Variants in GRM7 observed in about 807,000 individuals in gnomAD.
GRM7 encodes the protein glutamate metabotropic receptor 7, also known as metabotropic glutamate receptor 7.
A neutral mutation model predicts 84.5 loss-of-function variants in GRM7; 35 were observed. That is an observed-to-expected ratio of 0.41 (90% CI 0.32 to 0.55). GRM7 has a LOEUF of 0.55. Among genes scored for constraint, GRM7 ranks in the 20% least tolerant of loss-of-function variants. GRM7 has a pLI of 0.19. For synonymous variants in GRM7, 487 were observed against 455.1 expected, an observed-to-expected ratio of 1.07 and a Z score of -0.89; for missense variants, 1,003 against 1,194.6, an observed-to-expected ratio of 0.84 and a Z score of 2.36.
intron 7 of GRM7, among the ~76,000 whole-genome samples, chr3:7,478,135 T>C (rs558832937): frequency 6.6e-6 from 1 of 152,234 alleles, no homozygotes; most frequent in Non-Finnish European, 1.5e-5. Context: ...GACTTCCTTA[T>C]AGGGATTTTT....
chr3:7,066,279 A>C (rs1487978615), intron 1 of GRM7, among the ~76,000 whole-genome samples: 1 of 151,930 alleles, frequency 6.6e-6, no homozygotes, highest in Non-Finnish European at 1.5e-5. Flanking sequence ...ACCATTAGCA[A>C]GATTAACCAA....
intron 1 of GRM7, among the ~76,000 whole-genome samples, chr3:7,020,353 A>G (rs1050870355): frequency 5.3e-5 from 8 of 152,318 alleles, no homozygotes; most frequent in East Asian, 3.9e-4. Context: ...GAGTTAGGGG[A>G]GAGAGAGGGA....
intron 7 of GRM7, among the ~76,000 whole-genome samples, chr3:7,528,082 T>C (rs1207188977): frequency 1.3e-5 from 2 of 152,114 alleles, no homozygotes; most frequent in African/African-American, 4.8e-5. Flanking sequence ...TGTGGTATAG[T>C]TTCCGTGGGA....
At chr3:6,944,893 T>A (rs1431517432) in intron 1 of GRM7, among the ~76,000 whole-genome samples, 1 of 152,122 alleles carries the variant, frequency 6.6e-6, no homozygotes, top group African/African-American at 2.4e-5. Context: ...TTTTAACATG[T>A]CTTTGATCTA....
intron 7 of GRM7, chr3:7,560,146 G>A (rs1445668711): frequency 6.6e-6 from 1 of 152,036 alleles, no homozygotes; most frequent in African/African-American, 2.4e-5. Flanking sequence ...TGAGACACAG[G>A]CAAAGTAGGG....
At chr3:7,354,054 G>C (rs1388945859) in intron 4 of GRM7, among the ~76,000 whole-genome samples, 3 of 151,470 alleles carry the variant, frequency 2.0e-5, no homozygotes, top group South Asian at 2.1e-4. Flanking sequence ...TGTTGAGTCA[G>C]CTTATAGACC....
intron 4 of GRM7, among the ~76,000 whole-genome samples, chr3:7,362,908 G>A (rs888013429): frequency 2.0e-5 from 3 of 152,072 alleles, no homozygotes; most frequent in Non-Finnish European, 4.4e-5. Context: ...TGGAAGGATT[G>A]CTTGAAGCCA....
At chr3:6,975,402 A>T (rs1693950382) in intron 1 of GRM7, among the ~76,000 whole-genome samples, 1 of 152,196 alleles carries the variant, frequency 6.6e-6, no homozygotes, top group Admixed American at 6.5e-5. Flanking sequence ...TTGTAACTTG[A>T]GTTTCAAGTT....
At chr3:7,365,401 CTT>C (rs894887728) in intron 4 of GRM7, among the ~76,000 whole-genome samples, 2 of 151,676 alleles carry the variant, frequency 1.3e-5, no homozygotes, top group Non-Finnish European at 1.5e-5. Flanking sequence ...AGTTACATAA[CTT>C]TGATTTTCTC....
chr3:7,435,618 T>G (rs1697012897), intron 5 of GRM7, among the ~76,000 whole-genome samples: 1 of 151,256 alleles, frequency 6.6e-6, no homozygotes, highest in African/African-American at 2.4e-5. Flanking sequence ...CTCCAAGAAA[T>G]TCTCCTGCCT....
At chr3:7,400,904 T>C (rs1360807998) in intron 4 of GRM7, among the ~76,000 whole-genome samples, 3 of 152,168 alleles carry the variant, frequency 2.0e-5, no homozygotes, top group Non-Finnish European at 4.4e-5. Flanking sequence ...GGTTAACTCC[T>C]AGGATGTTTG....
chr3:7,673,471 A>T (rs1700007556), intron 8 of GRM7, among the ~76,000 whole-genome samples: 1 of 152,068 alleles, frequency 6.6e-6, no homozygotes. Flanking sequence ...GACTTACAGG[A>T]AACCGGGTTA....
intron 3 of GRM7, 76 bp downstream of exon 3, chr3:7,298,901 G>T: frequency 7.7e-7 from 1 of 1,297,008 alleles, no homozygotes. Context: ...TGCTGGCTGA[G>T]ACAGGAAAAG....
At chr3:7,597,281 C>T (rs542003684) in intron 8 of GRM7, among the ~76,000 whole-genome samples, 1 of 152,204 alleles carries the variant, frequency 6.6e-6, no homozygotes, top group South Asian at 2.1e-4. Context: ...TGTGAGAACC[C>T]ACTAGCTATT....
At chr3:7,550,526 CTTT>C (rs966374072) in intron 7 of GRM7, among the ~76,000 whole-genome samples, 1 of 139,782 alleles carries the variant, frequency 7.2e-6, no homozygotes, top group African/African-American at 2.7e-5. Context: ...CTTCTTCTTC[CTTT>C]TTTTCTTCTC....
intron 1 of GRM7, among the ~76,000 whole-genome samples, chr3:6,998,161 T>TACAATGAGG (rs1694889851): frequency 1.0e-5 from 1 of 99,150 alleles, no homozygotes; most frequent in South Asian, 3.6e-4. Flanking sequence ...ACCTCCTAGA[T>TACAATGAGG]ACAATGAGGG....
At chr3:7,681,374 A>C (rs191887355) in intron 9 of GRM7, 1 of 152,348 alleles carries the variant, frequency 6.6e-6, no homozygotes, top group East Asian at 1.9e-4. Context: ...TTGCTCTGCA[A>C]ATAAGAGAGA....
chr3:6,940,971 A>G (rs1437083877), intron 1 of GRM7, among the ~76,000 whole-genome samples: 1 of 152,182 alleles, frequency 6.6e-6, no homozygotes, highest in Non-Finnish European at 1.5e-5. Context: ...TGAGCAAATT[A>G]TGGTAAACCC....
intron 7 of GRM7, among the ~76,000 whole-genome samples, chr3:7,516,178 A>G (rs1188623364): frequency 4.9e-4 from 72 of 148,412 alleles, no homozygotes; most frequent in African/African-American, 1.8e-3. Flanking sequence ...AAAAAAAAAA[A>G]AAAAAAAAAA....
Sources: allele counts gnomAD v4.1 joint callset (sites outside exome capture counted in the v4.1 genomes callset), GRCh38; gene constraint gnomAD v4.1.1; transcripts MANE v1.5; gene names NCBI Gene and HGNC (gene_info 2026-07-23, HGNC 2026-07-21).